MGST1: variants seen among roughly 807,000 people sequenced by gnomAD.
MGST1 encodes microsomal glutathione S-transferase 1.
Under a neutral mutation model 8.9 loss-of-function variants are expected in MGST1, and 5 were observed. The observed-to-expected ratio is 0.56, with a 90% CI of 0.29 to 1.19. MGST1 has a LOEUF of 1.19. Among genes scored for constraint, MGST1 ranks in the 50% most tolerant of loss-of-function variants. The pLI, the probability that MGST1 is intolerant of heterozygous loss-of-function variation, is 0.08. For missense variants in MGST1, 182 were observed against 187.4 expected (o/e 0.97, Z 0.17); for synonymous variants, 54 against 67.8 (o/e 0.80, Z 1.00).
exon 2 of MGST1, chr12:16,437,740 T>G (rs1313409791): frequency 6.6e-6 from 1 of 151,978 alleles, no homozygotes; most frequent in Non-Finnish European, 1.5e-5. Flanking sequence ...AAAGGCTCTT[T>G]GGAAAACAGG....
rs74066118 is a variant in MGST1 at position 16,531,038 on chromosome 12, C to A, written n.483-58490C>A. Among the ~76,000 whole-genome samples, 287 of 150,578 alleles carry A rather than the reference C, an allele frequency of 1.9e-3. 3 individuals carry two copies. Among genetic ancestry groups the A allele is most frequent in the African/African-American group, 6.7e-3 (273 of 40,960 alleles). ...TATGAAAAAGTAATGTCTGATGGTG[C>A]TTGGGAAAGAGAGGGAGAGAATAGT... On this transcript the variant is annotated intron_variant and non_coding_transcript_variant, in intron 4 of 4. Coordinates refer to the MGST1 transcript ENST00000538857.
At position 16,497,032 on chromosome 12, in the gene MGST1, G is replaced by A. The variant is rs1591745183; in HGVS notation, n.483-92496G>A. Among the ~76,000 whole-genome samples the A allele has an allele frequency of 6.6e-6, 1 of 152,134 alleles. No homozygotes were observed. The highest frequency in any genetic ancestry group is 2.4e-5 in the African/African-American group (1 of 41,444). On this transcript the variant is annotated intron_variant and non_coding_transcript_variant, in intron 4 of 4. Coordinates refer to the MGST1 transcript ENST00000538857. This position sits in a 1 kb window ranked among gnomAD's most constrained non-coding sequence, Gnocchi z 4.4. Reference sequence around the variant, plus strand: ...AGGAAGAAGTTATGGATTATAGAAAGGGAATAACTTAGATGCTGTTATCTA... The same window carrying A: ...AGGAAGAAGTTATGGATTATAGAAAAGGAATAACTTAGATGCTGTTATCTA...
intron 4 of MGST1, chr12:16,550,657 A>G (rs1941954664): frequency 6.6e-6 from 1 of 152,558 alleles, no homozygotes; most frequent in Middle Eastern, 3.4e-3. Context: ...GGATGTCACT[A>G]AAATGCTCTG....
At chr12:16,450,839 CGTGTGTGTGT>C (rs66984063) in intron 4 of MGST1, among the ~76,000 whole-genome samples, 1,944 of 147,964 alleles carry the variant, frequency 0.013, 19 homozygotes, top group Non-Finnish European at 0.018. Flanking sequence ...ATATATATTC[CGTGTGTGTGT>C]GTGTGTGTGT....
At chr12:16,477,393 A>T (rs1269192416) in intron 4 of MGST1, among the ~76,000 whole-genome samples, 1 of 152,210 alleles carries the variant, frequency 6.6e-6, no homozygotes, top group Non-Finnish European at 1.5e-5. Context: ...TGTAAAATGA[A>T]GCATGTTAAA....
downstream of MGST1, among the ~76,000 whole-genome samples, chr12:16,441,521 A>G (rs1017838264): frequency 2.0e-5 from 3 of 151,786 alleles, no homozygotes; most frequent in Admixed American, 6.6e-5. Context: ...GCTAGCGATC[A>G]TTGACTTTTT....
intron 4 of MGST1, among the ~76,000 whole-genome samples, chr12:16,562,207 A>G (rs1011661401): frequency 6.6e-6 from 1 of 152,108 alleles, no homozygotes; most frequent in African/African-American, 2.4e-5. Flanking sequence ...TCATTCTAAC[A>G]TTTCATATTT....
At chr12:16,386,795 G>A (rs1022505219) in intron 1 of MGST1, among the ~76,000 whole-genome samples, 2 of 152,092 alleles carry the variant, frequency 1.3e-5, no homozygotes, top group African/African-American at 4.8e-5. Flanking sequence ...TAAGCAACTC[G>A]TAAGTTTTAA....
At chr12:16,348,664 G>GGTCCCAGCCTGCTGTGA (rs1199536216) in intron 1 of MGST1, among the ~76,000 whole-genome samples, 1 of 151,992 alleles carries the variant, frequency 6.6e-6, no homozygotes, top group Admixed American at 6.6e-5. Flanking sequence ...GTTTTCCTGG[G>GGTCCCAGCCTGCTGTGA]GTCCCAGCCT....
At chr12:16,473,355 A>G (rs938945817) in intron 4 of MGST1, among the ~76,000 whole-genome samples, 5 of 152,224 alleles carry the variant, frequency 3.3e-5, no homozygotes, top group Non-Finnish European at 7.3e-5. Flanking sequence ...CCACATATCA[A>G]TAGGGCTGAG....
At chr12:16,349,950 T>G (rs1359653679) in intron 1 of MGST1, among the ~76,000 whole-genome samples, 1 of 152,170 alleles carries the variant, frequency 6.6e-6, no homozygotes, top group Non-Finnish European at 1.5e-5. Context: ...TTCACCATGT[T>G]AGCCAGGATG....
intron 1 of MGST1, among the ~76,000 whole-genome samples, chr12:16,384,996 G>A (rs1363328039): frequency 6.6e-6 from 1 of 152,212 alleles, no homozygotes; most frequent in Non-Finnish European, 1.5e-5. Flanking sequence ...GCCAAAGAAG[G>A]AACAGGAGTT....
intron 1 of MGST1, among the ~76,000 whole-genome samples, chr12:16,403,995 A>T (rs1000681524): frequency 1.2e-4 from 18 of 152,138 alleles, no homozygotes; most frequent in Admixed American, 6.5e-5. Context: ...TGCTGTAAAT[A>T]TTTTGTCTGA....
chr12:16,407,731 G>C (rs1940707738), intron 1 of MGST1, among the ~76,000 whole-genome samples: 1 of 152,002 alleles, frequency 6.6e-6, no homozygotes, highest in East Asian at 1.9e-4. Context: ...ATACTATGCA[G>C]CCATAAAAAA....
At chr12:16,532,123 C>G (rs1262453675) in intron 4 of MGST1, among the ~76,000 whole-genome samples, 1 of 152,116 alleles carries the variant, frequency 6.6e-6, no homozygotes, top group Non-Finnish European at 1.5e-5. Context: ...TCAGGACAGA[C>G]TGCAAAATCA....
intron 4 of MGST1, among the ~76,000 whole-genome samples, chr12:16,488,041 A>G (rs1410631882): frequency 6.6e-6 from 1 of 152,220 alleles, no homozygotes; most frequent in African/African-American, 2.4e-5. Context: ...GGATTAAGAA[A>G]TAAAGGATTG....
Position 16,401,912 on chromosome 12 carries a change from A to G in MGST1, n.778+18308A>G, listed in dbSNP as rs2137063465. On this transcript the variant is annotated intron_variant and non_coding_transcript_variant, in intron 1 of 1. Transcript: ENST00000359720. The surrounding 1 kb of genome is among the most constrained non-coding windows in gnomAD (Gnocchi z 4.3). ...CCCCATCCTCCCTTACAGCGACTGT[A>G]TATGCCACAACTGCACTGATATCTA... The G allele has an allele frequency of 6.2e-7, 1 of 1,606,924 alleles. No homozygotes were observed. Among genetic ancestry groups the G allele is most frequent in the Non-Finnish European group, 8.5e-7 (1 of 1,173,408 alleles).
At chr12:16,485,297 A>G (rs1048184976) in intron 4 of MGST1, among the ~76,000 whole-genome samples, 4 of 152,224 alleles carry the variant, frequency 2.6e-5, no homozygotes, top group Non-Finnish European at 5.9e-5. Flanking sequence ...GGCTCGATTT[A>G]GAAGTGTAAC....
intron 4 of MGST1, among the ~76,000 whole-genome samples, chr12:16,469,778 T>C (rs12312631): frequency 6.6e-6 from 1 of 152,200 alleles, no homozygotes; most frequent in Non-Finnish European, 1.5e-5. Context: ...TGTAATTATC[T>C]CAAATAAAAA....
Sources: gnomAD v4.1 joint callset for allele counts (sites outside exome capture counted in the v4.1 genomes callset) on GRCh38, gnomAD v4.1.1 for gene constraint, Gnocchi (gnomAD v3.1) non-coding constraint, MANE v1.5 for transcripts, NCBI Gene and HGNC (gene_info 2026-07-23, HGNC 2026-07-21) for gene names.